Variants in TMTC1 observed in about 807,000 individuals in gnomAD.
TMTC1 encodes transmembrane O-mannosyltransferase targeting cadherins 1.
Under a neutral mutation model 104.8 loss-of-function variants are expected in TMTC1, and 73 were observed. The observed-to-expected ratio is 0.70, with a 90% CI of 0.58 to 0.85. The LOEUF (loss-of-function observed/expected upper bound fraction) is 0.85, where lower values mean the gene tolerates loss of function less well. TMTC1 is among the 40% of genes least tolerant of loss of function. TMTC1 has a pLI of 0.00. For synonymous variants in TMTC1, 434 were observed against 428.7 expected (o/e 1.01, Z -0.15); for missense variants, 1,035 against 1,096.1 (o/e 0.94, Z 0.79).
At chr12:29,659,847 A>G in intron 5 of TMTC1, 2 of 1,468,434 alleles carry the variant, frequency 1.4e-6, no homozygotes, top group Non-Finnish European at 1.8e-6. Flanking sequence ...TATCTAATAA[A>G]TACCAAGTTT....
At chr12:29,600,390 G>A (rs1261411752) in intron 7 of TMTC1, among the ~76,000 whole-genome samples, 1 of 152,066 alleles carries the variant, frequency 6.6e-6, no homozygotes, top group Non-Finnish European at 1.5e-5. Context: ...TTATAAAATG[G>A]CTTTGATGAA....
chr12:29,592,150 A>G, intron 7 of TMTC1, among the ~76,000 whole-genome samples: 1 of 152,260 alleles, frequency 6.6e-6, no homozygotes, highest in Middle Eastern at 3.2e-3. Flanking sequence ...AAATAGCATT[A>G]TTAATACAAG....
At chr12:29,779,349 C>G (rs1209638091) in intron 1 of TMTC1, among the ~76,000 whole-genome samples, 1 of 152,200 alleles carries the variant, frequency 6.6e-6, no homozygotes, top group Non-Finnish European at 1.5e-5. Flanking sequence ...GAAACATAGT[C>G]CCAACTTAGC....
At chr12:29,569,230 T>A (rs1243913429) in intron 9 of TMTC1, among the ~76,000 whole-genome samples, 3 of 152,066 alleles carry the variant, frequency 2.0e-5, no homozygotes, top group South Asian at 2.1e-4. Flanking sequence ...AATAAAAAAA[T>A]TTAAAAGAAG....
rs116801313 is a variant in TMTC1, at chr12:29,600,899, C to G, written c.1250+3279G>C. On this transcript the variant is annotated intron_variant, in intron 7 of 17. Transcript: ENST00000539277. ...AAAAGATGACTTAGTGATAATGCTG[C>G]AAGGCATAGATGCAGGAACTTGGAA... 3.8e-3 allele frequency among the ~76,000 whole-genome samples: 585 copies of G among 152,278 alleles called. 1 individual carries two copies. The highest frequency in any genetic ancestry group is 0.014 in the Middle Eastern group (4 of 294).
At chr12:29,598,111 C>A (rs1946461918) in intron 7 of TMTC1, among the ~76,000 whole-genome samples, 1 of 152,158 alleles carries the variant, frequency 6.6e-6, no homozygotes, top group African/African-American at 2.4e-5. Flanking sequence ...AGACGGCTAG[C>A]CAGTGGGCGA....
At chr12:29,743,179 G>A (rs75884469) in intron 5 of TMTC1, among the ~76,000 whole-genome samples, 10,978 of 152,220 alleles carry the variant, frequency 0.072, 625 homozygotes, top group East Asian at 0.25. Context: ...GAGACACAGA[G>A]CGTGTAAGCA....
At chr12:29,539,880 C>T (rs527743572) in intron 10 of TMTC1, among the ~76,000 whole-genome samples, 50 of 152,180 alleles carry the variant, frequency 3.3e-4, no homozygotes, top group African/African-American at 4.3e-4. Context: ...CTAGGTCTTC[C>T]GCCTCTCAGC....
At chr12:29,623,791 C>T (rs537961826) in intron 6 of TMTC1, among the ~76,000 whole-genome samples, 17 of 150,770 alleles carry the variant, frequency 1.1e-4, no homozygotes, top group Admixed American at 2.0e-4. Flanking sequence ...CTAGCCTGGA[C>T]GACAGAGCAA....
chr12:29,583,268 C>T, intron 8 of TMTC1, 139 bp downstream of exon 8: 1 of 727,108 alleles, frequency 1.4e-6, no homozygotes, highest in East Asian at 2.9e-5. Context: ...CATAAAATTA[C>T]ATCTTCCATT....
rs567689484 is a variant in TMTC1, at chr12:29,661,341, T to A, written c.939-28005A>T. 1,432 of 980,536 alleles carry A rather than the reference T, an allele frequency of 1.5e-3. 2 individuals carry two copies. The highest frequency in any genetic ancestry group is 1.7e-3 in the Non-Finnish European group (1,379 of 825,564). The allele number at this position is 980,536 out of a possible 1,614,324, so 60.7% of individuals were successfully genotyped here. ...ACTTAATATAATTTGAAGGCTCCAA[T>A]GTCTTCCATCCACAAAATACCTCAC... On this transcript the variant is annotated intron_variant, in intron 5 of 17. Coordinates refer to ENST00000539277, the MANE Select transcript of TMTC1 (RefSeq NM_001193451.2).
chr12:29,595,812 T>C (rs1946390633), intron 7 of TMTC1, among the ~76,000 whole-genome samples: 1 of 152,332 alleles, frequency 6.6e-6, no homozygotes, highest in African/African-American at 2.4e-5. Context: ...TGTTGGACAC[T>C]AAGGCTTTGT....
rs147215122 is a variant in TMTC1, at chr12:29,507,387, G to C, written c.2509-401C>G. Among the ~76,000 whole-genome samples the C allele has an allele frequency of 2.2e-4, 34 of 152,240 alleles. No homozygotes were observed. In the East Asian group the frequency reaches 6.0e-3, roughly 27 times the overall value. On this transcript the variant is annotated intron_variant, in intron 17 of 17. Transcript: ENST00000539277. The stretch of plus-strand genomic sequence containing the variant: ...ATGGGAGAATGAGAGATGAGAAAAT[G>C]TTTTTAAAACTGCAAGAAGAATGAT...
chr12:29,655,989 G>A (rs1053101881), intron 5 of TMTC1, among the ~76,000 whole-genome samples: 8 of 152,078 alleles, frequency 5.3e-5, no homozygotes, highest in Non-Finnish European at 1.2e-4. Context: ...CAGTAAAAGA[G>A]AAGAAGCATC....
intron 2 of TMTC1, among the ~76,000 whole-genome samples, chr12:29,760,000 T>C (rs1351982244): frequency 2.0e-5 from 3 of 152,222 alleles, no homozygotes; most frequent in African/African-American, 7.2e-5. Flanking sequence ...CACAAGATTA[T>C]AATACCATAT....
Position 29,604,219 on chromosome 12 carries a change from C to A in TMTC1, c.1209G>T (p.Arg403Ser), listed in dbSNP as rs1474727655. 1 of 1,613,914 alleles carries A rather than the reference C, an allele frequency of 6.2e-7. No individual in the cohort carries two copies. The highest frequency in any genetic ancestry group is 2.2e-5 in the East Asian group (1 of 44,840). ...CTCTCTCCGCCACCACAAAACCCAC[C>A]CTGAAGAAGAGGTTGCTGGCTGGAA... is the stretch of plus-strand genomic sequence containing the variant. ...PFIPASNLFF[R>S]VGFVVAERVL... The change falls in exon 7 of 18, where the codon AGG (arginine) becomes AGT (serine). Residue 403 changes from arginine to serine, a missense_variant. Physicochemically the swap from Arg to Ser is moderately radical, Grantham distance 110. Coordinates refer to ENST00000539277, the MANE Select transcript of TMTC1 (RefSeq NM_001193451.2).
At chr12:29,741,350 T>TGTAAA (rs1942820600) in intron 5 of TMTC1, among the ~76,000 whole-genome samples, 2 of 152,232 alleles carry the variant, frequency 1.3e-5, no homozygotes, top group Non-Finnish European at 2.9e-5. Context: ...ACACAGTTTC[T>TGTAAA]AACTACACAG....
intron 5 of TMTC1, among the ~76,000 whole-genome samples, chr12:29,719,901 A>G (rs1942188463): frequency 6.6e-6 from 1 of 152,210 alleles, no homozygotes; most frequent in African/African-American, 2.4e-5. Flanking sequence ...TGCCAGAACA[A>G]GAAATTCACC....
At chr12:29,683,668 A>G (rs1257499814) in intron 5 of TMTC1, among the ~76,000 whole-genome samples, 1 of 152,208 alleles carries the variant, frequency 6.6e-6, no homozygotes, top group Non-Finnish European at 1.5e-5. Context: ...AGACAATTCA[A>G]AAGTTCACAA....
Sources: gnomAD v4.1 joint callset for allele counts (sites outside exome capture counted in the v4.1 genomes callset) on GRCh38, gnomAD v4.1.1 for gene constraint, MANE v1.5 for transcripts, NCBI Gene and HGNC (gene_info 2026-07-23, HGNC 2026-07-21) for gene names.